Variants in COL6A5 observed in about 807,000 individuals in gnomAD.
COL6A5 encodes the protein collagen type VI alpha 5 chain.
COL6A5 carries 48 observed loss-of-function variants against 65.6 expected under a neutral mutation model. The observed-to-expected ratio is 0.73, with a 90% confidence interval of 0.58 to 0.93. The LOEUF (loss-of-function observed/expected upper bound fraction) is 0.93. Ranked by LOEUF, COL6A5 falls within the 40% of genes least tolerant of loss-of-function variation. COL6A5 has a pLI of 0.00. For synonymous variants in COL6A5, 291 were observed against 322.8 expected (o/e 0.90, Z 1.05); for missense variants, 914 against 928.3 (o/e 0.98, Z 0.20).
At chr3:130,386,197 G>A (rs2107647984) in intron 5 of COL6A5, among the ~76,000 whole-genome samples, 1 of 152,160 alleles carries the variant, frequency 6.6e-6, no homozygotes, top group African/African-American at 2.4e-5. Flanking sequence ...TCAGAGTCAA[G>A]GTTCATACCC....
exon 7 of COL6A5, chr3:130,391,577 T>A (rs759654155): frequency 6.4e-7 from 1 of 1,551,606 alleles, no homozygotes; most frequent in South Asian, 1.2e-5. Context: ...TGACACAGCA[T>A]TGGAACTGAG....
intron 23 of COL6A5, 130 bp downstream of exon 23, chr3:130,415,837 C>A (rs1937322432): frequency 1.4e-6 from 1 of 723,292 alleles, no homozygotes; most frequent in African/African-American, 1.8e-5. Context: ...TTATCTGGGG[C>A]AAAATTCTAG....
intron 5 of COL6A5, 22 bp from the exon 6 acceptor site, chr3:130,388,558 T>G (rs1313316154): frequency 6.7e-7 from 1 of 1,486,700 alleles, no homozygotes; most frequent in South Asian, 1.4e-5. Context: ...TTATTTCTGG[T>G]CTTTTTTTTT....
At chr3:130,389,199 G>C (rs1330418275) in intron 6 of COL6A5, 65 bp downstream of exon 6, 1 of 1,136,360 alleles carries the variant, frequency 8.8e-7, no homozygotes, top group Non-Finnish European at 1.2e-6. Context: ...ATGAGAAACA[G>C]TGAATGGCAC....
chr3:130,414,227 A>C, intron 22 of COL6A5, 96 bp downstream of exon 22: 1 of 972,066 alleles, frequency 1.0e-6, no homozygotes, highest in Non-Finnish European at 1.6e-6. Flanking sequence ...ATAACTGAGA[A>C]TCTGCCCCCT....
chr3:130,407,539 A>G (rs906709900), intron 17 of COL6A5, among the ~76,000 whole-genome samples: 3 of 152,252 alleles, frequency 2.0e-5, no homozygotes, highest in African/African-American at 7.2e-5. Context: ...AAGCAATGAT[A>G]GTGAGAACAG....
At chr3:130,383,752 A>G (rs1438669068) in intron 4 of COL6A5, among the ~76,000 whole-genome samples, 1 of 152,082 alleles carries the variant, frequency 6.6e-6, no homozygotes, top group Non-Finnish European at 1.5e-5. Context: ...TCTCTTACCC[A>G]GTTTCTGTGA....
intron 7 of COL6A5, among the ~76,000 whole-genome samples, chr3:130,477,597 A>G (rs1710132051): frequency 6.6e-6 from 1 of 152,036 alleles, no homozygotes; most frequent in Non-Finnish European, 1.5e-5. Flanking sequence ...TTCTCAAAGT[A>G]TGATCCCTGG....
intron 17 of COL6A5, among the ~76,000 whole-genome samples, chr3:130,407,077 G>T (rs181585908): frequency 6.8e-4 from 104 of 152,338 alleles, no homozygotes; most frequent in African/African-American, 2.3e-3. Flanking sequence ...CAGCCTGGGG[G>T]CAGGGGTTGT....
At chr3:130,389,066 A>G (rs1936302259) in exon 6 of COL6A5, 3 of 1,486,880 alleles carry the variant, frequency 2.0e-6, no homozygotes, top group South Asian at 2.7e-5. Flanking sequence ...CTAGTTTTTC[A>G]TGTTGAGAAC....
At chr3:130,477,140 G>T (rs77746940) in intron 7 of COL6A5, 28,739 of 1,299,666 alleles carry the variant, frequency 0.022, 1,083 homozygotes, top group African/African-American at 0.14. Context: ...TTTATAGAAC[G>T]TAAGTTTACC....
At chr3:130,463,464 T>C (rs1709746313) in intron 5 of COL6A5, among the ~76,000 whole-genome samples, 1 of 152,042 alleles carries the variant, frequency 6.6e-6, no homozygotes, top group African/African-American at 2.4e-5. Flanking sequence ...TTCTCTAAGT[T>C]TCCTTTCCAC....
chr3:130,393,977 G>A (rs552298813), intron 7 of COL6A5, among the ~76,000 whole-genome samples: 1 of 150,476 alleles, frequency 6.6e-6, no homozygotes, highest in Non-Finnish European at 1.5e-5. Context: ...TATCCGGGCA[G>A]CCCATCTTTG....
At chr3:130,471,559 AC>A in intron 7 of COL6A5, 122 bp from the exon 40 acceptor site, 1 of 893,958 alleles carries the variant, frequency 1.1e-6, no homozygotes, top group Non-Finnish European at 1.6e-6. Context: ...CATGGACTGA[AC>A]TTGGACTATT....
exon 5 of COL6A5, chr3:130,385,235 A>G (rs771720914): frequency 8.6e-5 from 134 of 1,550,934 alleles, no homozygotes; most frequent in Non-Finnish European, 9.2e-5. Flanking sequence ...TGCAGTTGGC[A>G]TTGGGGCAGC....
At chr3:130,425,177 G>A (rs148641279) in intron 29 of COL6A5, among the ~76,000 whole-genome samples, 17 of 152,200 alleles carry the variant, frequency 1.1e-4, no homozygotes, top group African/African-American at 2.6e-4. Flanking sequence ...TTCCTGATTC[G>A]AATTAGAAGG....
At chr3:130,345,909 C>G in exon 1 of COL6A5, 1 of 398,674 alleles carries the variant, frequency 2.5e-6, no homozygotes, top group Non-Finnish European at 4.4e-6. Flanking sequence ...CTCAGGAGCT[C>G]GGTGCAGCCT....
chr3:130,447,358 T>C (rs1366019996), intron 4 of COL6A5, among the ~76,000 whole-genome samples: 1 of 152,128 alleles, frequency 6.6e-6, no homozygotes, highest in Non-Finnish European at 1.5e-5. Context: ...GCCAGGTCCC[T>C]GATTTGGAAG....
At chr3:130,410,176 A>G in intron 19 of COL6A5, 102 bp downstream of exon 19, 1 of 863,294 alleles carries the variant, frequency 1.2e-6, no homozygotes, top group South Asian at 1.7e-5. Flanking sequence ...AATGCTCTTA[A>G]GACCACATTG....
Sources: gnomAD v4.1 joint callset for allele counts (sites outside exome capture counted in the v4.1 genomes callset) on GRCh38, gnomAD v4.1.1 for gene constraint, MANE v1.5 for transcripts, NCBI Gene and HGNC (gene_info 2026-07-23, HGNC 2026-07-21) for gene names.